Variants in AGBL5 observed in about 807,000 individuals in gnomAD.
The protein encoded by AGBL5 is AGBL carboxypeptidase 5, also known as cytosolic carboxypeptidase-like protein 5.
AGBL5 carries 51 observed loss-of-function variants against 88.0 expected under a neutral mutation model. The ratio of observed to expected loss-of-function variants is 0.58; its 90% CI spans 0.46 to 0.73. AGBL5 has a LOEUF of 0.73. AGBL5 is among the 30% of genes least tolerant of loss of function. AGBL5 has a pLI of 0.00. For missense variants in AGBL5, 1,031 were observed against 1,162.2 expected, an observed-to-expected ratio of 0.89 and a Z score of 1.64; for synonymous variants, 446 against 438.8, an observed-to-expected ratio of 1.02 and a Z score of -0.21.
At position 27,053,043 on chromosome 2, in the gene AGBL5, T is replaced by C. The variant is rs748505939; in HGVS notation, c.85T>C (p.Ser29Pro). 1.2e-6 allele frequency: 2 copies of C among 1,613,846 alleles called. No homozygotes were observed. The highest frequency in any genetic ancestry group is 1.7e-6 in the Non-Finnish European group (2 of 1,179,908). Residue 29 changes from serine (S) to proline (P), a missense_variant, in exon 2 of 15, where the codon TCC (serine) becomes CCC (proline). By Grantham distance (74) the Ser-to-Pro change is moderately conservative. This residue lies in a region of AGBL5 where 540 missense variants were observed against 678.2 expected (regional missense o/e 0.80). Coordinates refer to ENST00000360131, the MANE Select transcript of AGBL5 (RefSeq NM_021831.6). The surrounding 1 kb of genome is among the most constrained non-coding windows in gnomAD (Gnocchi z 4.9). ...LAHVEKVESL[S>P]SDGEGVGGGA... is the part of the protein sequence containing the mutation. Reference sequence around the variant, plus strand: ...CCACGTGGAGAAGGTGGAATCTTTGTCCAGTGATGGGGAAGGGGTAGGAGG... The same window carrying C: ...CCACGTGGAGAAGGTGGAATCTTTGCCCAGTGATGGGGAAGGGGTAGGAGG...
intron 13 of AGBL5, chr2:27,069,023 T>C (rs927528075): frequency 1.4e-6 from 2 of 1,404,370 alleles, no homozygotes; most frequent in African/African-American, 2.9e-5. Flanking sequence ...CCCCTGCCCT[T>C]AGCTTCTCCT....
chr2:27,055,388 C>A, intron 6 of AGBL5, 135 bp downstream of exon 6: 1 of 1,231,530 alleles, frequency 8.1e-7, no homozygotes, highest in Non-Finnish European at 1.1e-6. Flanking sequence ...CCCATCTCAT[C>A]TTCCTGAGAA....
intron 13 of AGBL5, chr2:27,069,286 A>G (rs2148307831): frequency 1.0e-6 from 1 of 985,362 alleles, no homozygotes; most frequent in Non-Finnish European, 1.2e-6. Flanking sequence ...CTTTCTACAC[A>G]GTGTTTCTCT....
At chr2:27,054,117 A>G in intron 4 of AGBL5, 58 bp downstream of exon 4, 2 of 1,525,568 alleles carry the variant, frequency 1.3e-6, no homozygotes, top group Non-Finnish European at 1.8e-6. Flanking sequence ...CACCTCCACT[A>G]CTTCTGGAAT....
At chr2:27,060,858 G>A (rs1400950262) in intron 11 of AGBL5, among the ~76,000 whole-genome samples, 1 of 152,212 alleles carries the variant, frequency 6.6e-6, no homozygotes, top group Non-Finnish European at 1.5e-5. Context: ...CAGTGAACAA[G>A]ATAATATCAT....
intron 9 of AGBL5, among the ~76,000 whole-genome samples, chr2:27,057,800 G>A (rs1034241590): frequency 6.6e-6 from 1 of 152,210 alleles, no homozygotes; most frequent in Non-Finnish European, 1.5e-5. Flanking sequence ...AGCTGGCCAG[G>A]TGCGGTGGCT....
chr2:27,054,854 C>T (rs754015973), intron 5 of AGBL5, 47 bp downstream of exon 5: 3 of 1,586,536 alleles, frequency 1.9e-6, no homozygotes, highest in Non-Finnish European at 2.6e-6. Context: ...TTCTCTAGCA[C>T]CAGGTACTGT....
chr2:27,056,204 A>G (rs377359840), intron 7 of AGBL5, 66 bp downstream of exon 7: 6 of 1,524,760 alleles, frequency 3.9e-6, no homozygotes, highest in East Asian at 4.5e-5. Context: ...GGGTTAGGCC[A>G]TGAACAGAAG....
intron 11 of AGBL5, among the ~76,000 whole-genome samples, chr2:27,064,384 G>A (rs1248680843): frequency 6.7e-6 from 1 of 150,072 alleles, no homozygotes; most frequent in Non-Finnish European, 1.5e-5. Context: ...CAACCTTCGT[G>A]TCCCTGGCTC....
In AGBL5 at chr2:27,059,387, T is replaced by G. The variant is rs1390455160; in HGVS notation, c.2072T>G (p.Val691Gly). The G allele has an allele frequency of 6.2e-7, 1 of 1,614,192 alleles. No individual in the cohort carries two copies. Among genetic ancestry groups the G allele is most frequent in the East Asian group, 2.2e-5 (1 of 44,886 alleles). The change falls in exon 11 of 15, where the codon GTG becomes GGG. Residue 691 changes from valine to glycine, a missense_variant. This residue lies in a region of AGBL5 where 491 missense variants were observed against 484.0 expected (regional missense o/e 1.01). Transcript: ENST00000360131. ...AGTACCCAAAAGGTCACCCACCGGG[T>G]GCTGGGCCCCGTCAGAGGTAAGCCA... ...GSSTQKVTHR[V>G]LGPVREPRSQ...
Position 27,056,646 on chromosome 2 carries a change from G to C in AGBL5, c.1389G>C (p.Lys463Asn). 1 of 1,611,840 alleles carries C rather than the reference G, an allele frequency of 6.2e-7. No individual in the cohort carries two copies. The highest frequency in any genetic ancestry group is 8.5e-7 in the Non-Finnish European group (1 of 1,178,434). Residue 463 changes from lysine (K) to asparagine (N), a missense_variant, in exon 8 of 15, where the codon AAG (lysine) becomes AAC (asparagine). Lys to Asn is a moderately conservative substitution (Grantham distance 94). Around this residue, in one of 2 missense-constraint regions of AGBL5, gnomAD observed 540 missense variants for 678.2 expected, o/e 0.80. Transcript: ENST00000360131. ...STQVENMLYP[K>N]LISLNSAHFD... Reference sequence around the variant, plus strand: ...AGGTGGAAAACATGCTATATCCAAAGCTCATCTCCTTGAATTCAGCCCACT... The same window carrying C: ...AGGTGGAAAACATGCTATATCCAAACCTCATCTCCTTGAATTCAGCCCACT...
intron 13 of AGBL5, chr2:27,069,234 A>G (rs1431372954): frequency 1.0e-5 from 14 of 1,348,652 alleles, no homozygotes; most frequent in Non-Finnish European, 1.4e-5. Context: ...CAGGGGCTAA[A>G]GCATAGAGGG....
chr2:27,055,627 T>C, intron 6 of AGBL5, 55 bp from the exon 7 acceptor site: 1 of 1,505,464 alleles, frequency 6.6e-7, no homozygotes, highest in Non-Finnish European at 9.1e-7. Flanking sequence ...TACACTAGTG[T>C]CTCCTTCACT....
chr2:27,057,139 G>A, intron 8 of AGBL5, 164 bp from the exon 9 acceptor site: 1 of 725,778 alleles, frequency 1.4e-6, no homozygotes, highest in Non-Finnish European at 2.2e-6. Context: ...TGGGTATATG[G>A]TACAGTACCA....
chr2:27,070,438 C>T lies in AGBL5; in HGVS notation c.*175C>T, dbSNP rs550879873. 4 of 603,660 alleles carry T rather than the reference C, an allele frequency of 6.6e-6. No homozygotes were observed. The highest frequency in any genetic ancestry group is 1.1e-5 in the Non-Finnish European group (4 of 352,494). The allele number at this position is 603,660 out of a possible 1,614,324, so 37.4% of individuals were successfully genotyped here. ...ACCTTGAGACAGAACAAAACAGGGA[C>T]CTGCCACCCCTTCCCTCCCTCCGCA... On this transcript the variant is annotated 3_prime_UTR_variant, in exon 15 of 15. Coordinates refer to ENST00000360131, the MANE Select transcript of AGBL5 (RefSeq NM_021831.6).
At chr2:27,051,251 T>C (rs1037494595), upstream of AGBL5, among the ~76,000 whole-genome samples, 1 of 152,210 alleles carries the variant, frequency 6.6e-6, no homozygotes, top group Non-Finnish European at 1.5e-5. Flanking sequence ...TCGCTTAGCA[T>C]GCGAGAGGTA....
Position 27,070,177 on chromosome 2 carries a change from A to C in AGBL5, c.2575A>C (p.Asn859His). Residue 859 changes from asparagine (N) to histidine (H), a missense_variant, in exon 15 of 15, where the codon AAT becomes CAT. Transcript: ENST00000360131. ...TAGTCTATCTGACTCCCCATCCTGG[A>C]ATTGTTACAGCAGGGGTCCCTTGGG... The part of the protein sequence containing the change: ...SCSLSDSPSW[N>H]CYSRGPLGQP... 2 of 1,614,102 alleles carry C rather than the reference A, an allele frequency of 1.2e-6. No homozygotes were observed. Among genetic ancestry groups the C allele is most frequent in the Non-Finnish European group, 8.5e-7 (1 of 1,180,014 alleles).
At position 27,059,383 on chromosome 2, in the gene AGBL5, C is replaced by A. The variant is rs770221979; in HGVS notation, c.2068C>A (p.Arg690=). 2 of 1,614,214 alleles carry A rather than the reference C, an allele frequency of 1.2e-6. No individual in the cohort carries two copies. The highest frequency in any genetic ancestry group is 1.7e-6 in the Non-Finnish European group (2 of 1,180,044). The change falls in exon 11 of 15, where the codon CGG becomes AGG. Residue 690 remains arginine, a synonymous_variant. Coordinates refer to ENST00000360131, the MANE Select transcript of AGBL5 (RefSeq NM_021831.6). ...CTCTAGTACCCAAAAGGTCACCCAC[C>A]GGGTGCTGGGCCCCGTCAGAGGTAA... is the stretch of plus-strand genomic sequence containing the variant. The part of the protein sequence containing the change: ...LGSSTQKVTH[R]VLGPVREPRS...
chr2:27,057,245 A>T, intron 8 of AGBL5, 58 bp from the exon 9 acceptor site: 1 of 1,540,824 alleles, frequency 6.5e-7, no homozygotes, highest in South Asian at 1.2e-5. Flanking sequence ...GTTGTCCTCT[A>T]TGGTTCTGTC....
Sources: gnomAD v4.1 joint callset for allele counts (sites outside exome capture counted in the v4.1 genomes callset) on GRCh38, gnomAD v4.1.1 for gene constraint, gnomAD v4.1.1 regional missense constraint, Gnocchi (gnomAD v3.1) non-coding constraint, MANE v1.5 for transcripts, NCBI Gene and HGNC (gene_info 2026-07-23, HGNC 2026-07-21) for gene names.